GATB: variants seen among roughly 807,000 people sequenced by gnomAD.
The protein encoded by GATB is glutamyl-tRNA amidotransferase subunit B, also known as glutamyl-tRNA(Gln) amidotransferase subunit B, mitochondrial.
A neutral mutation model predicts 62.3 loss-of-function variants in GATB; 39 were observed. The ratio of observed to expected loss-of-function variants is 0.63; its 90% confidence interval spans 0.48 to 0.82. GATB has a LOEUF of 0.82. Ranked by LOEUF, GATB falls within the 40% of genes least tolerant of loss-of-function variation. GATB has a pLI of 0.00. For synonymous variants in GATB, 276 were observed against 258.9 expected (o/e 1.07, Z -0.63); for missense variants, 670 against 684.0 (o/e 0.98, Z 0.23).
chr4:151,672,670 A>G lies in GATB; in HGVS notation c.1545+92T>C. 5 of 1,375,386 alleles carry G rather than the reference A, an allele frequency of 3.6e-6. No individual in the cohort carries two copies. The South Asian group carries it at 7.0e-5, about 19-fold the overall frequency. The allele number at this position is 1,375,386 out of a possible 1,614,324, so 85.2% of individuals were successfully genotyped here. ...GAAACTGGGTCAGCCATTCTTAGGA[A>G]GAGCCTCTGGGCTGCCACAGGGAGC... is the stretch of plus-strand genomic sequence containing the variant. On this transcript the variant is annotated intron_variant, in intron 12 of 12. Coordinates refer to ENST00000263985, the MANE Select transcript of GATB (RefSeq NM_004564.3).
intron 2 of GATB, among the ~76,000 whole-genome samples, chr4:151,749,165 T>C (rs1216584309): frequency 1.3e-5 from 2 of 152,170 alleles, no homozygotes; most frequent in African/African-American, 4.8e-5. Flanking sequence ...ACTGGGTATA[T>C]ACCCAAAGGA....
At chr4:151,740,693 G>C (rs1238228021) in intron 2 of GATB, among the ~76,000 whole-genome samples, 2 of 152,250 alleles carry the variant, frequency 1.3e-5, no homozygotes, top group Non-Finnish European at 2.9e-5. Flanking sequence ...GAGGGCAGCT[G>C]CCATGGCCAG....
chr4:151,711,469 G>A (rs1738818015), intron 5 of GATB, among the ~76,000 whole-genome samples: 1 of 152,096 alleles, frequency 6.6e-6, no homozygotes, highest in Admixed American at 6.5e-5. Flanking sequence ...TTACCTCGTG[G>A]CCCATTCCTA....
At chr4:151,722,342 CT>C in intron 2 of GATB, 1 of 629,592 alleles carries the variant, frequency 1.6e-6, no homozygotes, top group Non-Finnish European at 2.8e-6. Flanking sequence ...TCTGCAAACC[CT>C]TTTCAAGTTT....
chr4:151,756,799 T>G (rs1351796155), intron 2 of GATB, among the ~76,000 whole-genome samples: 2 of 152,358 alleles, frequency 1.3e-5, no homozygotes, highest in East Asian at 3.9e-4. Context: ...TTTTTCTAAT[T>G]TGGTCTAATT....
intron 9 of GATB, among the ~76,000 whole-genome samples, chr4:151,699,190 C>G (rs2126967444): frequency 6.6e-6 from 1 of 152,186 alleles, no homozygotes; most frequent in East Asian, 1.9e-4. Flanking sequence ...AGGAGTTCAA[C>G]CAGCCTGGCC....
chr4:151,741,015 C>A (rs1275560529), intron 2 of GATB, among the ~76,000 whole-genome samples: 1 of 152,090 alleles, frequency 6.6e-6, no homozygotes, highest in African/African-American at 2.4e-5. Flanking sequence ...ATTTTCTGCA[C>A]ACTCCTACCT....
chr4:151,736,218 A>C (rs1318650185), intron 2 of GATB, among the ~76,000 whole-genome samples: 1 of 152,226 alleles, frequency 6.6e-6, no homozygotes, highest in Non-Finnish European at 1.5e-5. Flanking sequence ...TGCAACCAAA[A>C]TCTGTTAAGA....
chr4:151,758,671 T>C (rs899197325), intron 2 of GATB, 101 bp downstream of exon 2: 2 of 1,026,330 alleles, frequency 1.9e-6, no homozygotes, highest in African/African-American at 3.3e-5. Flanking sequence ...AATAAGTATT[T>C]CCAAAGAGTT....
intron 2 of GATB, among the ~76,000 whole-genome samples, chr4:151,741,657 C>G (rs986561019): frequency 6.6e-6 from 1 of 152,198 alleles, no homozygotes; most frequent in Non-Finnish European, 1.5e-5. Context: ...CCAGAAGATT[C>G]ACCCAGGGGG....
chr4:151,758,633 T>C, intron 2 of GATB, 139 bp downstream of exon 2: 1 of 652,830 alleles, frequency 1.5e-6, no homozygotes, highest in Non-Finnish European at 2.4e-6. Context: ...AAACATTTAA[T>C]ATATCCCGCT....
chr4:151,716,946 C>T lies in GATB; in HGVS notation c.570G>A (p.Leu190=). The change falls in exon 4 of 13, where the codon TTG becomes TTA. Residue 190 remains leucine (L), a synonymous_variant. Transcript: ENST00000263985. The stretch of plus-strand genomic sequence containing the variant: ...GGAGGCTTTTGCCACTGTCTTGCTC[C>T]AACTGGATCTGCTTGATCCTCACCG... ...PKTVRIKQIQ[L]EQDSGKSLHD... 1 of 1,614,164 alleles carries T rather than the reference C, an allele frequency of 6.2e-7. No individual in the cohort carries two copies. The highest frequency in any genetic ancestry group is 8.5e-7 in the Non-Finnish European group (1 of 1,180,034).
At chr4:151,738,244 C>T (rs1282076801) in intron 2 of GATB, among the ~76,000 whole-genome samples, 1 of 152,162 alleles carries the variant, frequency 6.6e-6, no homozygotes, top group Non-Finnish European at 1.5e-5. Context: ...GCCAGCGTGA[C>T]CTGGATGTGA....
At chr4:151,697,006 A>G (rs1462175768) in intron 9 of GATB, among the ~76,000 whole-genome samples, 1 of 152,234 alleles carries the variant, frequency 6.6e-6, no homozygotes, top group Admixed American at 6.5e-5. Flanking sequence ...ATGTAGAGAA[A>G]AGGAAATGCT....
intron 8 of GATB, 84 bp from the exon 9 acceptor site, chr4:151,701,602 TTC>T (rs1578909974): frequency 1.0e-6 from 1 of 1,002,908 alleles, no homozygotes; most frequent in East Asian, 3.0e-5. Context: ...ATATGAATGT[TTC>T]TGTGTTTAGA....
chr4:151,712,738 T>A (rs2126975454), intron 5 of GATB, among the ~76,000 whole-genome samples: 1 of 152,316 alleles, frequency 6.6e-6, no homozygotes, highest in South Asian at 2.1e-4. Flanking sequence ...TTATTACTGT[T>A]AATAAGAGCA....
chr4:151,745,852 A>G (rs1739584585), intron 2 of GATB, among the ~76,000 whole-genome samples: 1 of 152,218 alleles, frequency 6.6e-6, no homozygotes, highest in Non-Finnish European at 1.5e-5. Context: ...GCTTTTTTAA[A>G]CAGGCTGATC....
intron 12 of GATB, among the ~76,000 whole-genome samples, chr4:151,671,631 T>A (rs1280013532): frequency 1.3e-5 from 2 of 152,080 alleles, no homozygotes; most frequent in African/African-American, 4.8e-5. Context: ...GGAGGGATAA[T>A]CTCTCTGAGA....
At chr4:151,705,378 T>A (rs1738695829) in intron 6 of GATB, 109 bp from the exon 7 acceptor site, 2 of 647,120 alleles carry the variant, frequency 3.1e-6, no homozygotes, top group Non-Finnish European at 5.4e-6. Flanking sequence ...AAAAAAAAAA[T>A]CAAGAAGATT....
Sources: gnomAD v4.1 joint callset for allele counts (sites outside exome capture counted in the v4.1 genomes callset) on GRCh38, gnomAD v4.1.1 for gene constraint, MANE v1.5 for transcripts, NCBI Gene and HGNC (gene_info 2026-07-23, HGNC 2026-07-21) for gene names.